The following SETX variants were observed in gnomAD, a reference collection of about 807,000 sequenced individuals.
The protein encoded by SETX is senataxin.
In SETX, 90 loss-of-function variants were observed where a neutral mutation model predicts 227.2. That is an observed-to-expected ratio of 0.40 (90% CI 0.33 to 0.47). The LOEUF (loss-of-function observed/expected upper bound fraction) is 0.47. SETX is among the 20% of genes least tolerant of loss of function. The pLI is 0.91. For missense variants in SETX, 3,052 were observed against 3,181.5 expected (o/e 0.96, Z 0.98); for synonymous variants, 1,210 against 1,113.2 (o/e 1.09, Z -1.73).
At chr9:132,291,260 G>A (rs931569735) in intron 15 of SETX, among the ~76,000 whole-genome samples, 2 of 142,972 alleles carry the variant, frequency 1.4e-5, no homozygotes, top group Non-Finnish European at 3.0e-5. Flanking sequence ...TCCGCCTCCC[G>A]GGTTCACGCC....
intron 19 of SETX, 36 bp downstream of exon 19, chr9:132,283,228 T>C (rs192029323): frequency 7.4e-6 from 12 of 1,612,970 alleles, no homozygotes; most frequent in African/African-American, 2.7e-5. Context: ...CTCCTCATAG[T>C]AGTAGTCAAA....
intron 15 of SETX, among the ~76,000 whole-genome samples, chr9:132,294,203 C>G (rs1482988518): frequency 6.6e-6 from 1 of 152,144 alleles, no homozygotes; most frequent in East Asian, 1.9e-4. Flanking sequence ...CAGGAGCTAA[C>G]TGGTACAATC....
chr9:132,348,360 CT>C, intron 3 of SETX, among the ~76,000 whole-genome samples: 1 of 44,182 alleles, frequency 2.3e-5, no homozygotes. Context: ...GAGACTCTGT[CT>C]CAAAAAAAAA....
chr9:132,332,325 C>G (rs771178389), intron 7 of SETX, among the ~76,000 whole-genome samples: 1 of 152,196 alleles, frequency 6.6e-6, no homozygotes, highest in Non-Finnish European at 1.5e-5. Context: ...CCTATCCATC[C>G]TTAAAAGTCC....
At chr9:132,303,069 A>G (rs10793914) in intron 11 of SETX, among the ~76,000 whole-genome samples, 48,204 of 151,970 alleles carry the variant, frequency 0.32, 11,012 homozygotes, top group East Asian at 0.67. Context: ...CCAGACTGGA[A>G]TGCAGTGGTA....
intron 4 of SETX, among the ~76,000 whole-genome samples, chr9:132,345,488 G>A (rs918684682): frequency 6.6e-6 from 1 of 152,084 alleles, no homozygotes; most frequent in East Asian, 1.9e-4. Context: ...TAGCAAGGCT[G>A]GTCTTGAACT....
rs1423165535 is a variant in SETX at position 132,296,977 on chromosome 9, T to C, written c.5859A>G (p.Pro1953=). The C allele has an allele frequency of 4.2e-5, 68 of 1,614,028 alleles. No individual in the cohort carries two copies. Among genetic ancestry groups the C allele is most frequent in the Non-Finnish European group, 5.5e-5 (65 of 1,180,006 alleles). ...GAATCAAGCAGATTTTGGCAACTGA[T>C]GGTGAGTGTTTCACCATAGCATATG... ...ETAYAMVKHS[P]SVAKICLIHG... is the part of the protein sequence containing the mutation. Residue 1953 remains proline (P), a synonymous_variant, in exon 14 of 26, where the codon CCA becomes CCG. Transcript: ENST00000224140.
At position 132,338,090 on chromosome 9, in the gene SETX, C is replaced by CTT. The variant is rs71376637; in HGVS notation, c.499-1577_499-1576dup. On this transcript the variant is annotated intron_variant, in intron 5 of 25. Transcript: ENST00000224140. The stretch of plus-strand genomic sequence containing the variant: ...AGACAAACCCAAAGTGAGGAACACT[C>CTT]TTTTTTTTTTTTTTTTTTTGAGACA... Among the ~76,000 whole-genome samples the CTT allele has an allele frequency of 9.9e-3, 1,256 of 126,460 alleles. 43 individuals are homozygous for CTT. Among genetic ancestry groups the CTT allele is most frequent in the Admixed American group, 0.05 (586 of 11,772 alleles). The allele number at this position is 126,460 out of a possible 152,430, so 83.0% of individuals were successfully genotyped here. A position where few individuals can be genotyped will look rare whatever the true frequency, so the allele number is the denominator to read the frequency against.
chr9:132,352,446 G>A (rs536242882), intron 2 of SETX, among the ~76,000 whole-genome samples: 2 of 152,322 alleles, frequency 1.3e-5, no homozygotes, highest in African/African-American at 4.8e-5. Flanking sequence ...CCCAGACTGA[G>A]AATGTATTGT....
chr9:132,294,142 AG>A (rs1290557891), intron 15 of SETX, among the ~76,000 whole-genome samples: 11 of 152,186 alleles, frequency 7.2e-5, no homozygotes, highest in Admixed American at 2.6e-4. Flanking sequence ...TCACGCCACC[AG>A]GGAAAGTTAA....
chr9:132,333,398 G>A (rs512803), intron 7 of SETX, among the ~76,000 whole-genome samples: 15,133 of 31,718 alleles, frequency 0.48, 3,586 homozygotes, highest in Middle Eastern at 0.57. Context: ...AAAAAAAAAA[G>A]AAAAAAAAAA....
chr9:132,275,351 C>G lies in SETX; in HGVS notation c.7005G>C (p.Lys2335Asn), dbSNP rs141657462. Residue 2335 changes from lysine to asparagine, a missense_variant, in exon 23 of 26, where the codon AAG becomes AAC. This residue lies in a region of SETX where 412 missense variants were observed against 589.0 expected (regional missense o/e 0.70). Transcript: ENST00000224140. ...TGCCAATGTTTCGAAAACTAACATCCTTTCTTTTGTCTTTAATAAGCTTAA... is the reference window on the plus strand; with the variant it reads ...TGCCAATGTTTCGAAAACTAACATCGTTTCTTTTGTCTTTAATAAGCTTAA... ...EIIKLIKDKR[K>N]DVSFRNIGII... 1.7e-5 allele frequency: 28 copies of G among 1,611,518 alleles called. No individual in the cohort carries two copies. Among genetic ancestry groups the G allele is most frequent in the Admixed American group, 3.3e-5 (2 of 59,986 alleles).
chr9:132,323,980 G>A (rs1229745722), intron 10 of SETX, among the ~76,000 whole-genome samples: 1 of 152,186 alleles, frequency 6.6e-6, no homozygotes, highest in South Asian at 2.1e-4. Context: ...AGTTACTTGA[G>A]GGGATGAGGG....
intron 11 of SETX, among the ~76,000 whole-genome samples, chr9:132,309,698 AG>A (rs1210324498): frequency 5.9e-5 from 9 of 151,820 alleles, no homozygotes; most frequent in African/African-American, 1.9e-4. Context: ...GAAAAAAAAA[AG>A]GGGGAACATA....
At chr9:132,298,535 G>C (rs1258723107) in intron 12 of SETX, among the ~76,000 whole-genome samples, 3 of 152,124 alleles carry the variant, frequency 2.0e-5, no homozygotes, top group African/African-American at 7.2e-5. Context: ...AATATGTCAG[G>C]TGGTAGTAAG....
chr9:132,330,266 G>A lies in SETX; in HGVS notation c.1332C>T (p.Leu444=), dbSNP rs753541763. 1.9e-6 allele frequency: 3 copies of A among 1,583,154 alleles called. No individual in the cohort carries two copies. Among genetic ancestry groups the A allele is most frequent in the Middle Eastern group, 1.7e-4 (1 of 5,894 alleles). ...TGTCACACACAGCATCTGTTTGGTT[G>A]AGGACTTCTTTGACTTCAGAGTACA... ...NHLYSEVKEV[L]NQTDAVCDKV... is the part of the protein sequence containing the mutation. The change falls in exon 10 of 26, where the codon CTC becomes CTT. Residue 444 remains leucine, a synonymous_variant. Coordinates refer to ENST00000224140, the MANE Select transcript of SETX (RefSeq NM_015046.7).
At chr9:132,341,263 G>A (rs1359419042) in intron 5 of SETX, among the ~76,000 whole-genome samples, 1 of 152,076 alleles carries the variant, frequency 6.6e-6, no homozygotes, top group Non-Finnish European at 1.5e-5. Context: ...TAATAAACCA[G>A]CCCTTGTCAA....
chr9:132,293,187 T>C (rs1465469370), intron 15 of SETX, among the ~76,000 whole-genome samples: 1 of 152,140 alleles, frequency 6.6e-6, no homozygotes, highest in African/African-American at 2.4e-5. Context: ...AAATTTTCAT[T>C]ACCATTTGAA....
At chr9:132,278,022 T>G in intron 21 of SETX, 48 bp downstream of exon 21, 5 of 1,533,488 alleles carry the variant, frequency 3.3e-6, no homozygotes, top group Non-Finnish European at 3.6e-6. Context: ...TCTTCATAAG[T>G]AGCTAAACTA....
Sources: allele counts gnomAD v4.1 joint callset (sites outside exome capture counted in the v4.1 genomes callset), GRCh38; gene constraint gnomAD v4.1.1; regional missense constraint gnomAD v4.1.1; transcripts MANE v1.5; gene names NCBI Gene and HGNC (gene_info 2026-07-23, HGNC 2026-07-21).